ST6GAL1: variants seen among roughly 807,000 people sequenced by gnomAD.
ST6GAL1 encodes ST6 beta-galactoside alpha-2,6-sialyltransferase 1.
Under a neutral mutation model 38.0 loss-of-function variants are expected in ST6GAL1, and 20 were observed. That is an observed-to-expected ratio of 0.53 (90% CI 0.37 to 0.77). The LOEUF is 0.77. Ranked by LOEUF, ST6GAL1 falls within the 30% of genes least tolerant of loss-of-function variation. The pLI, the probability that ST6GAL1 is intolerant of heterozygous loss-of-function variation, is 0.00. For missense variants in ST6GAL1, 432 were observed against 496.4 expected (o/e 0.87, Z 1.23); for synonymous variants, 196 against 188.2 (o/e 1.04, Z -0.34).
At chr3:187,036,459 T>C (rs1281223958) in intron 2 of ST6GAL1, among the ~76,000 whole-genome samples, 2 of 152,222 alleles carry the variant, frequency 1.3e-5, no homozygotes, top group Admixed American at 6.5e-5. Flanking sequence ...TGTGTGTTTA[T>C]TGCAGCACTA....
chr3:186,995,523 A>T (rs569981987), intron 2 of ST6GAL1, among the ~76,000 whole-genome samples: 830 of 63,262 alleles, frequency 0.013, 32 homozygotes, highest in African/African-American at 0.055. Flanking sequence ...AAATAATAAT[A>T]AAATAAAAAA....
At chr3:187,048,357 A>G (rs1030752867) in intron 4 of ST6GAL1, among the ~76,000 whole-genome samples, 3 of 150,902 alleles carry the variant, frequency 2.0e-5, no homozygotes, top group Non-Finnish European at 4.4e-5. Flanking sequence ...TCTTCCCCTC[A>G]CTCCTTGTCT....
chr3:186,997,141 A>G lies in ST6GAL1; in HGVS notation c.-183+33215A>G, dbSNP rs1042963830. On this transcript the variant is annotated intron_variant, in intron 2 of 7. Coordinates refer to ENST00000169298, the MANE Select transcript of ST6GAL1 (RefSeq NM_173216.2). ...TAATATAATATGGGAGGCATGGACT[A>G]TCAGAGGAGGCAGGCAGGACTGCCC... 4.6e-5 allele frequency among the ~76,000 whole-genome samples: 7 copies of G among 152,224 alleles called. 1 individual carries two copies. The highest frequency in any genetic ancestry group is 3.3e-4 in the Admixed American group (5 of 15,304).
chr3:187,043,443 A>G, intron 4 of ST6GAL1, 133 bp downstream of exon 4: 1 of 1,314,036 alleles, frequency 7.6e-7, no homozygotes, highest in South Asian at 1.5e-5. Context: ...TGTTTTTTTC[A>G]GAGTCACAAG....
At chr3:186,961,557 T>C (rs907244736) in intron 1 of ST6GAL1, among the ~76,000 whole-genome samples, 7 of 152,104 alleles carry the variant, frequency 4.6e-5, no homozygotes, top group African/African-American at 1.4e-4. Context: ...TGCAAACCAT[T>C]TTCCAAAGGA....
chr3:186,956,281 G>A (rs540680037), intron 1 of ST6GAL1, among the ~76,000 whole-genome samples: 129 of 152,254 alleles, frequency 8.5e-4, no homozygotes, highest in African/African-American at 3.0e-3. Context: ...TGAAAGTCAA[G>A]CTTTATTCTT....
At chr3:187,014,440 T>A (rs898132618) in intron 2 of ST6GAL1, among the ~76,000 whole-genome samples, 2 of 152,252 alleles carry the variant, frequency 1.3e-5, no homozygotes, top group African/African-American at 4.8e-5. Flanking sequence ...TTGACCTGGA[T>A]GGATGTGGTC....
intron 1 of ST6GAL1, among the ~76,000 whole-genome samples, chr3:186,943,836 G>A (rs147460851): frequency 1.2e-4 from 19 of 152,340 alleles, no homozygotes; most frequent in Admixed American, 5.2e-4. Context: ...GTTGAGTTGC[G>A]TGGTCTTGAA....
At chr3:187,013,578 A>ATTGTT (rs1186980836) in intron 2 of ST6GAL1, among the ~76,000 whole-genome samples, 2 of 152,046 alleles carry the variant, frequency 1.3e-5, no homozygotes, top group Admixed American at 6.5e-5. Flanking sequence ...AGTGGCAACT[A>ATTGTT]TTGTTTTGTT....
At chr3:186,947,751 C>A (rs3852060) in intron 1 of ST6GAL1, among the ~76,000 whole-genome samples, 2 of 152,056 alleles carry the variant, frequency 1.3e-5, no homozygotes, top group Non-Finnish European at 2.9e-5. Flanking sequence ...ATAATTGTGC[C>A]ACTGCCTAGC....
chr3:186,964,905 A>T (rs1189480864), intron 2 of ST6GAL1, among the ~76,000 whole-genome samples: 1 of 152,190 alleles, frequency 6.6e-6, no homozygotes, highest in Non-Finnish European at 1.5e-5. Flanking sequence ...GTAGGTGCCC[A>T]GTAACATGAG....
At chr3:186,938,304 T>C (rs1350629402) in intron 1 of ST6GAL1, among the ~76,000 whole-genome samples, 2 of 152,242 alleles carry the variant, frequency 1.3e-5, no homozygotes, top group Non-Finnish European at 2.9e-5. Context: ...CGGGATTTGC[T>C]TTCTTGCCCA....
At chr3:187,004,516 C>A (rs1352299187) in intron 2 of ST6GAL1, among the ~76,000 whole-genome samples, 1 of 152,142 alleles carries the variant, frequency 6.6e-6, no homozygotes, top group Non-Finnish European at 1.5e-5. Flanking sequence ...TTGTAGCCTC[C>A]ATAGGCAGTG....
intron 2 of ST6GAL1, among the ~76,000 whole-genome samples, chr3:186,968,794 A>G (rs1715238777): frequency 6.6e-6 from 1 of 152,256 alleles, no homozygotes; most frequent in South Asian, 2.1e-4. Flanking sequence ...TAAAGCCATT[A>G]GAATCATTTG....
chr3:187,048,119 A>G (rs1413395700), intron 4 of ST6GAL1, among the ~76,000 whole-genome samples: 3 of 151,526 alleles, frequency 2.0e-5, no homozygotes, highest in Non-Finnish European at 4.4e-5. Flanking sequence ...ATTTTTTTGT[A>G]TTTTTAGTAG....
chr3:187,010,871 T>C (rs920300566), intron 2 of ST6GAL1, among the ~76,000 whole-genome samples: 5 of 152,192 alleles, frequency 3.3e-5, no homozygotes, highest in Admixed American at 3.3e-4. Flanking sequence ...TCCTTTTAAC[T>C]TTTTTACCTA....
chr3:186,983,363 G>C (rs1194250180), intron 2 of ST6GAL1, among the ~76,000 whole-genome samples: 1 of 152,112 alleles, frequency 6.6e-6, no homozygotes, highest in Non-Finnish European at 1.5e-5. Flanking sequence ...AACTTATTGG[G>C]AACTCAGATG....
chr3:187,017,038 T>C (rs1254045965), intron 2 of ST6GAL1, among the ~76,000 whole-genome samples: 1 of 152,202 alleles, frequency 6.6e-6, no homozygotes, highest in East Asian at 1.9e-4. Context: ...TTGATGACAG[T>C]GTAGCCTGAA....
intron 2 of ST6GAL1, among the ~76,000 whole-genome samples, chr3:186,984,904 GTCTC>G (rs1715854310): frequency 6.9e-6 from 1 of 144,634 alleles, no homozygotes; most frequent in African/African-American, 2.6e-5. Flanking sequence ...CTCTTTCTCT[GTCTC>G]TCTCTTTTCT....
Sources: gnomAD v4.1 joint callset for allele counts (sites outside exome capture counted in the v4.1 genomes callset) on GRCh38, gnomAD v4.1.1 for gene constraint, MANE v1.5 for transcripts, NCBI Gene and HGNC (gene_info 2026-07-23, HGNC 2026-07-21) for gene names.